The following RYR3 variants were observed in gnomAD, a reference collection of about 807,000 sequenced individuals.
RYR3 encodes the protein ryanodine receptor 3, also known as brain ryanodine receptor-calcium release channel.
RYR3 carries 207 observed loss-of-function variants against 584.3 expected under a neutral mutation model. That is an observed-to-expected ratio of 0.35 (90% CI 0.32 to 0.40). RYR3 has a LOEUF of 0.40. RYR3 is among the 10% of genes least tolerant of loss of function. The pLI, the probability that RYR3 is intolerant of heterozygous loss-of-function variation, is 1.00. For synonymous variants in RYR3, 2,416 were observed against 2,248.5 expected (o/e 1.07, Z -2.11); for missense variants, 5,616 against 6,089.2 (o/e 0.92, Z 2.59).
intron 16 of RYR3, among the ~76,000 whole-genome samples, chr15:33,600,404 C>A (rs1285637350): frequency 6.6e-6 from 1 of 152,068 alleles, no homozygotes; most frequent in Non-Finnish European, 1.5e-5. Flanking sequence ...TTTGCGCATT[C>A]CTCTCTGTGA....
At chr15:33,564,847 G>T (rs1012890377) in intron 11 of RYR3, among the ~76,000 whole-genome samples, 3 of 152,144 alleles carry the variant, frequency 2.0e-5, no homozygotes, top group Non-Finnish European at 4.4e-5. Context: ...TCTCCAGCTG[G>T]TGTGATGGTG....
chr15:33,843,011 C>T (rs1596965316), intron 91 of RYR3, among the ~76,000 whole-genome samples: 1 of 151,984 alleles, frequency 6.6e-6, no homozygotes, highest in Non-Finnish European at 1.5e-5. Context: ...ACAGTCATGC[C>T]ATGGCTGTGT....
chr15:33,791,307 T>A (rs984199997), intron 67 of RYR3, among the ~76,000 whole-genome samples: 2 of 151,924 alleles, frequency 1.3e-5, no homozygotes, highest in African/African-American at 4.8e-5. Context: ...AGGCGAAAGG[T>A]CAGCCTCAGG....
intron 1 of RYR3, among the ~76,000 whole-genome samples, chr15:33,458,689 T>C (rs17817194): frequency 0.21 from 32,289 of 152,150 alleles, 3,945 homozygotes; most frequent in Middle Eastern, 0.32. Context: ...TGACCTATCA[T>C]CTTCCTATCT....
intron 38 of RYR3, among the ~76,000 whole-genome samples, chr15:33,681,957 A>G (rs540044930): frequency 1.3e-5 from 2 of 152,354 alleles, no homozygotes; most frequent in East Asian, 1.9e-4. Context: ...CGTGATGGCC[A>G]CTTGGACTGT....
intron 31 of RYR3, among the ~76,000 whole-genome samples, chr15:33,652,377 T>A (rs530210535): frequency 6.6e-6 from 1 of 152,290 alleles, no homozygotes; most frequent in African/African-American, 2.4e-5. Context: ...ATTCACTCCG[T>A]GCCTCAATTT....
Position 33,666,262 on chromosome 15 carries a change from C to T in RYR3, c.5619+2525C>T, listed in dbSNP as rs190608271. ...CTCAAGCTCCACCTGCCTCAGCTTC[C>T]CCAAGTGCTGGGATTACAGGTGTGA... On this transcript the variant is annotated intron_variant, in intron 36 of 103. Transcript: ENST00000634891. Among the ~76,000 whole-genome samples the T allele has an allele frequency of 4.4e-3, 670 of 152,280 alleles. 5 individuals carry two copies. Among genetic ancestry groups the T allele is most frequent in the African/African-American group, 0.015 (630 of 41,542 alleles).
Position 33,623,903 on chromosome 15 carries a change from G to T in RYR3, c.2454G>T (p.Lys818Asn), listed in dbSNP as rs1415040959. 6.2e-7 allele frequency: 1 copy of T among 1,613,718 alleles called. No individual in the cohort carries two copies. The highest frequency in any genetic ancestry group is 1.3e-5 in the African/African-American group (1 of 74,886). ...ATGAAGCCTTACTTCCAAAAGAGAAGATGAGATTGGAGCCTGTCAAAGAAT... is the reference window on the plus strand; with the variant it reads ...ATGAAGCCTTACTTCCAAAAGAGAATATGAGATTGGAGCCTGTCAAAGAAT... ...PCYEALLPKE[K>N]MRLEPVKEYK... Residue 818 changes from lysine to asparagine, a missense_variant, in exon 20 of 104, where the codon AAG (lysine) becomes AAT (asparagine). Transcript: ENST00000634891.
intron 42 of RYR3, among the ~76,000 whole-genome samples, chr15:33,703,185 A>G (rs1306815092): frequency 3.3e-5 from 5 of 152,216 alleles, no homozygotes; most frequent in African/African-American, 1.2e-4. Context: ...AGTAAATTCT[A>G]TTTCAAATGC....
rs1364258640 is a variant in RYR3, at chr15:33,768,665, T to C, written c.8713T>C (p.Cys2905Arg). 1 of 1,614,032 alleles carries C rather than the reference T, an allele frequency of 6.2e-7. No individual in the cohort carries two copies. Among genetic ancestry groups the C allele is most frequent in the Admixed American group, 1.7e-5 (1 of 60,032 alleles). Residue 2905 changes from cysteine (C) to arginine (R), a missense_variant, in exon 61 of 104, where the codon TGC (cysteine) becomes CGC (arginine). Physicochemically the swap from Cys to Arg is radical, Grantham distance 180. This residue lies in a region of RYR3 where 1,280 missense variants were observed against 1,426.2 expected (regional missense o/e 0.90). Coordinates refer to ENST00000634891, the MANE Select transcript of RYR3 (RefSeq NM_001036.6). Reference protein sequence around the residue: ...KEKEMVAGLFCKLAALVRHRI... With the variant: ...KEKEMVAGLFRKLAALVRHRI... ...CTTTCTTTTCTGCTTCAGCCTGTTC[T>C]GCAAACTTGCCGCTCTCGTTAGACA...
chr15:33,457,826 A>C (rs982753473), intron 1 of RYR3, among the ~76,000 whole-genome samples: 6 of 152,178 alleles, frequency 3.9e-5, no homozygotes, highest in Admixed American at 2.0e-4. Flanking sequence ...ATCACACTCT[A>C]CCCCACAAAC....
intron 102 of RYR3, among the ~76,000 whole-genome samples, chr15:33,861,604 A>G (rs1012421405): frequency 7.9e-5 from 12 of 151,346 alleles, no homozygotes; most frequent in African/African-American, 2.9e-4. Context: ...ACTGTCTTCA[A>G]TTTTTCTCTT....
intron 10 of RYR3, among the ~76,000 whole-genome samples, chr15:33,551,527 G>T (rs1269777966): frequency 6.6e-6 from 1 of 152,066 alleles, no homozygotes; most frequent in Non-Finnish European, 1.5e-5. Flanking sequence ...GGTCTTTTTA[G>T]GCAGAGAAAC....
chr15:33,669,333 T>C (rs2063680364), intron 36 of RYR3, 21 bp from the exon 37 acceptor site: 2 of 1,607,142 alleles, frequency 1.2e-6, no homozygotes, highest in Non-Finnish European at 1.7e-6. Flanking sequence ...CAACTAGCTA[T>C]TCTTCTCTTG....
chr15:33,480,563 T>C (rs937857120), intron 2 of RYR3, among the ~76,000 whole-genome samples: 1 of 152,240 alleles, frequency 6.6e-6, no homozygotes, highest in Non-Finnish European at 1.5e-5. Flanking sequence ...GGAGGATATT[T>C]GTGACTTTTA....
intron 100 of RYR3, among the ~76,000 whole-genome samples, chr15:33,860,066 G>C (rs1248237541): frequency 3.9e-5 from 6 of 152,136 alleles, no homozygotes; most frequent in Non-Finnish European, 7.3e-5. Flanking sequence ...GGGAGGTAGG[G>C]TAGGAGCAGA....
chr15:33,844,619 T>C (rs184429176), intron 92 of RYR3, among the ~76,000 whole-genome samples: 83 of 152,134 alleles, frequency 5.5e-4, no homozygotes, highest in East Asian at 3.1e-3. Flanking sequence ...TTGCCTAATT[T>C]TAATTTTTTT....
intron 60 of RYR3, among the ~76,000 whole-genome samples, chr15:33,765,575 G>A (rs745972613): frequency 3.5e-5 from 5 of 142,906 alleles, no homozygotes; most frequent in Non-Finnish European, 7.5e-5. Flanking sequence ...GGAGGTTGCA[G>A]TGAGCCGAGA....
At chr15:33,522,071 T>C (rs2054030224) in intron 3 of RYR3, among the ~76,000 whole-genome samples, 1 of 139,710 alleles carries the variant, frequency 7.2e-6, no homozygotes, top group Non-Finnish European at 1.5e-5. Flanking sequence ...CTGGCCAATA[T>C]GGCAAAACCC....
Sources: gnomAD v4.1 joint callset for allele counts (sites outside exome capture counted in the v4.1 genomes callset) on GRCh38, gnomAD v4.1.1 for gene constraint, gnomAD v4.1.1 regional missense constraint, MANE v1.5 for transcripts, NCBI Gene and HGNC (gene_info 2026-07-23, HGNC 2026-07-21) for gene names.